Variants in OPRM1 observed in about 807,000 individuals in gnomAD.
OPRM1 encodes the protein mu-type opioid receptor.
OPRM1 carries 27 observed loss-of-function variants against 31.8 expected under a neutral mutation model. That is an observed-to-expected ratio of 0.85 (90% confidence interval 0.63 to 1.17). The LOEUF (loss-of-function observed/expected upper bound fraction) is 1.17, where lower values mean the gene tolerates loss of function less well. Ranked by LOEUF, OPRM1 falls within the 50% of genes most tolerant of loss-of-function variation. OPRM1 has a pLI of 0.00. For missense variants in OPRM1, 536 were observed against 511.1 expected (o/e 1.05, Z -0.47); for synonymous variants, 196 against 189.9 (o/e 1.03, Z -0.26).
intron 3 of OPRM1, among the ~76,000 whole-genome samples, chr6:154,141,410 T>C (rs779297671): frequency 5.3e-5 from 8 of 152,044 alleles, no homozygotes; most frequent in Non-Finnish European, 1.0e-4. Context: ...GAGGCCTTGA[T>C]GGGGGTGGGG....
At chr6:154,015,040 T>C (rs1777928686) in intron 1 of OPRM1, among the ~76,000 whole-genome samples, 1 of 152,028 alleles carries the variant, frequency 6.6e-6, no homozygotes, top group East Asian at 1.9e-4. Context: ...AAAAGTAAAC[T>C]TAAACAAATG....
In OPRM1 at chr6:154,220,143, G is replaced by T. The variant is rs569699013; in HGVS notation, c.1165-26550G>T. Among the ~76,000 whole-genome samples the T allele has an allele frequency of 1.8e-4, 28 of 152,218 alleles. 2 individuals are homozygous for T. In the South Asian group the frequency reaches 5.2e-3, roughly 28 times the overall value. On this transcript the variant is annotated intron_variant, in intron 3 of 3. Coordinates refer to the OPRM1 transcript ENST00000337049. ...TAAGGAAATCATTATAAGTAAAACA[G>T]GTTAAGCGTAAGCTCTGTGAATGGA...
chr6:154,223,037 C>A, intron 3 of OPRM1: 1 of 739,192 alleles, frequency 1.4e-6, no homozygotes, highest in Non-Finnish European at 2.3e-6. Flanking sequence ...AGGGTGCCAA[C>A]CCATAATGCT....
At chr6:154,136,550 T>C (rs920433264), downstream of OPRM1, among the ~76,000 whole-genome samples, 8 of 152,156 alleles carry the variant, frequency 5.3e-5, no homozygotes, top group Non-Finnish European at 1.0e-4. Context: ...GGGCCCTCTC[T>C]AGAATGGCCA....
At chr6:154,164,464 C>T (rs1240119406) in intron 3 of OPRM1, among the ~76,000 whole-genome samples, 2 of 152,188 alleles carry the variant, frequency 1.3e-5, no homozygotes, top group Admixed American at 1.3e-4. Flanking sequence ...ACCAGGCATC[C>T]TGGGGCTGGG....
intron 1 of OPRM1, among the ~76,000 whole-genome samples, chr6:154,046,500 A>G (rs115781390): frequency 1.0e-3 from 153 of 152,338 alleles, no homozygotes; most frequent in African/African-American, 3.4e-3. Flanking sequence ...TTCATGTTAT[A>G]TAGTAACGTT....
At chr6:154,172,727 C>T (rs1799977066) in intron 3 of OPRM1, among the ~76,000 whole-genome samples, 1 of 152,258 alleles carries the variant, frequency 6.6e-6, no homozygotes, top group African/African-American at 2.4e-5. Context: ...CCTCTGGGGG[C>T]AGGGCATATC....
At chr6:154,067,028 A>G (rs1785564868) in intron 1 of OPRM1, among the ~76,000 whole-genome samples, 1 of 152,154 alleles carries the variant, frequency 6.6e-6, no homozygotes, top group African/African-American at 2.4e-5. Flanking sequence ...GCCTACTTCA[A>G]CATTTTATTG....
intron 1 of OPRM1, among the ~76,000 whole-genome samples, chr6:154,046,098 T>A (rs1031704708): frequency 2.0e-5 from 3 of 152,208 alleles, no homozygotes; most frequent in African/African-American, 7.2e-5. Flanking sequence ...TGACTATACG[T>A]TAGCACAGTA....
chr6:154,091,141 G>T lies in OPRM1; in HGVS notation c.833G>T (p.Arg278Leu), dbSNP rs201847839. ...SGSKEKDRNL[R>L]RITRMVLVVV... The stretch of plus-strand genomic sequence containing the variant: ...TCCAAAGAAAAGGACAGGAATCTTC[G>T]AAGGATCACCAGGATGGTGCTGGTG... The change falls in exon 3 of 4, where the codon CGA (arginine) becomes CTA (leucine). Residue 278 changes from arginine to leucine, a missense_variant. Coordinates refer to ENST00000330432, the MANE Select transcript of OPRM1 (RefSeq NM_000914.5). 6.2e-7 allele frequency: 1 copy of T among 1,614,142 alleles called. No homozygotes were observed. The highest frequency in any genetic ancestry group is 8.5e-7 in the Non-Finnish European group (1 of 1,180,028).
chr6:154,200,739 CAA>C (rs1175383305), intron 3 of OPRM1, among the ~76,000 whole-genome samples: 2 of 152,090 alleles, frequency 1.3e-5, no homozygotes, highest in Non-Finnish European at 2.9e-5. Context: ...AAAAAGAGAG[CAA>C]AAGCTGGAGC....
chr6:154,071,843 T>A (rs1786819463), intron 1 of OPRM1, among the ~76,000 whole-genome samples: 2 of 152,178 alleles, frequency 1.3e-5, no homozygotes, highest in Non-Finnish European at 2.9e-5. Context: ...GGCATTTTTA[T>A]GGTTGTGGGT....
intron 3 of OPRM1, among the ~76,000 whole-genome samples, chr6:154,116,878 T>C (rs897593054): frequency 1.3e-5 from 2 of 152,000 alleles, no homozygotes; most frequent in Non-Finnish European, 1.5e-5. Context: ...TTCCTTTCTC[T>C]CTCCCCTTGG....
chr6:154,059,501 G>A (rs1482760643), intron 1 of OPRM1, among the ~76,000 whole-genome samples: 3 of 152,110 alleles, frequency 2.0e-5, no homozygotes, highest in Admixed American at 6.6e-5. Flanking sequence ...TGGAGATCTA[G>A]TCAGGCTTCC....
At chr6:154,064,479 G>T (rs572766068) in intron 1 of OPRM1, among the ~76,000 whole-genome samples, 33 of 152,124 alleles carry the variant, frequency 2.2e-4, no homozygotes, top group South Asian at 2.1e-3. Context: ...ATTAACAAAA[G>T]TTTTCAGTTT....
intron 1 of OPRM1, among the ~76,000 whole-genome samples, chr6:154,070,082 G>A (rs1386317624): frequency 6.6e-6 from 1 of 152,142 alleles, no homozygotes; most frequent in Non-Finnish European, 1.5e-5. Context: ...CTGCCTTTGT[G>A]TCTGCCTTCC....
downstream of OPRM1, among the ~76,000 whole-genome samples, chr6:154,133,901 G>A (rs1797991905): frequency 6.6e-6 from 1 of 152,196 alleles, no homozygotes; most frequent in Non-Finnish European, 1.5e-5. Context: ...CACAGAAAAG[G>A]CCAAAGGGAT....
intron 3 of OPRM1, chr6:154,110,302 A>G: frequency 3.3e-6 from 3 of 907,260 alleles, no homozygotes; most frequent in Non-Finnish European, 5.3e-6. Flanking sequence ...ATTGCTAAGA[A>G]TAAGCATTAT....
chr6:154,093,044 C>A (rs1409543438), intron 3 of OPRM1, among the ~76,000 whole-genome samples: 1 of 152,188 alleles, frequency 6.6e-6, no homozygotes, highest in Non-Finnish European at 1.5e-5. Flanking sequence ...TTGCACCAAC[C>A]TAATGCTAAG....
Sources: allele counts gnomAD v4.1 joint callset (sites outside exome capture counted in the v4.1 genomes callset), GRCh38; gene constraint gnomAD v4.1.1; transcripts MANE v1.5; gene names NCBI Gene and HGNC (gene_info 2026-07-23, HGNC 2026-07-21).